Variants in RETREG1 observed in about 807,000 individuals in gnomAD.
RETREG1 encodes the protein family with sequence similarity 134 member B.
RETREG1 carries 44 observed loss-of-function variants against 54.8 expected under a neutral mutation model. The observed-to-expected ratio is 0.80, with a 90% CI of 0.63 to 1.03. The LOEUF (loss-of-function observed/expected upper bound fraction) is 1.03. RETREG1 is among the 50% of genes least tolerant of loss of function. The pLI, the probability that RETREG1 is intolerant of heterozygous loss-of-function variation, is 0.00. For missense variants in RETREG1, 554 were observed against 605.1 expected (o/e 0.92, Z 0.89); for synonymous variants, 217 against 238.5 (o/e 0.91, Z 0.83).
rs541097580 is a variant in RETREG1, at chr5:16,541,714, AAAGAGAAGAG to A, written c.458+24039_458+24048del. Among the ~76,000 whole-genome samples the A allele has an allele frequency of 2.7e-5, 4 of 148,542 alleles. No individual in the cohort carries two copies. The South Asian group carries it at 6.6e-4, about 24-fold the overall frequency. On this transcript the variant is annotated intron_variant, in intron 3 of 8. Coordinates refer to ENST00000306320, the MANE Select transcript of RETREG1 (RefSeq NM_001034850.3). ...AGTAAGAAGAAAAGAAAAGAGAAGAAAAGAGAAGAGAAGAGAGGGAGGGAGGGAAGGAAGG... is the reference window on the plus strand; with the variant it reads ...AGTAAGAAGAAAAGAAAAGAGAAGAAAAGAGAGGGAGGGAGGGAAGGAAGG...
chr5:16,601,746 A>C (rs553415979), intron 1 of RETREG1, among the ~76,000 whole-genome samples: 33 of 152,212 alleles, frequency 2.2e-4, no homozygotes, highest in African/African-American at 7.7e-4. Context: ...ACTGAAAGAC[A>C]TAAGTTTCCA....
At chr5:16,542,903 A>G (rs1741289474) in intron 3 of RETREG1, among the ~76,000 whole-genome samples, 2 of 152,230 alleles carry the variant, frequency 1.3e-5, no homozygotes, top group South Asian at 4.1e-4. Flanking sequence ...TGACAGAGCT[A>G]TACAGCCATG....
At chr5:16,518,442 T>C (rs191390510) in intron 3 of RETREG1, among the ~76,000 whole-genome samples, 2 of 151,986 alleles carry the variant, frequency 1.3e-5, no homozygotes, top group Admixed American at 1.3e-4. Flanking sequence ...ACCTACACTA[T>C]GGTTTTCTTC....
chr5:16,603,860 C>G (rs1049635778), intron 1 of RETREG1, among the ~76,000 whole-genome samples: 2 of 144,706 alleles, frequency 1.4e-5, no homozygotes, highest in South Asian at 2.3e-4. Flanking sequence ...ACCCACCCCC[C>G]ACCCGCCACC....
At chr5:16,506,463 C>CTTTTTGTT (rs1292292947) in intron 3 of RETREG1, among the ~76,000 whole-genome samples, 4 of 141,298 alleles carry the variant, frequency 2.8e-5, no homozygotes, top group Non-Finnish European at 4.6e-5. Context: ...CCATTGCAAT[C>CTTTTTGTT]TTTTTGTTTT....
intron 1 of RETREG1, among the ~76,000 whole-genome samples, chr5:16,595,954 G>C (rs1297876778): frequency 6.6e-6 from 1 of 152,150 alleles, no homozygotes; most frequent in South Asian, 2.1e-4. Context: ...TCTCACACTA[G>C]GGAACATTAT....
intron 3 of RETREG1, among the ~76,000 whole-genome samples, chr5:16,522,745 C>G (rs1470936054): frequency 6.6e-6 from 1 of 152,120 alleles, no homozygotes; most frequent in Non-Finnish European, 1.5e-5. Context: ...TGGCTCATGT[C>G]TGTAATCCCA....
chr5:16,509,124 A>G (rs1473345485), intron 3 of RETREG1: 14 of 633,580 alleles, frequency 2.2e-5, no homozygotes, highest in Non-Finnish European at 2.7e-5. Flanking sequence ...CTGGGCTATC[A>G]AATCTCCTCC....
intron 1 of RETREG1, among the ~76,000 whole-genome samples, chr5:16,592,737 G>A (rs542367910): frequency 6.5e-4 from 99 of 152,032 alleles, no homozygotes; most frequent in Non-Finnish European, 1.3e-3. Context: ...AATCATGTCC[G>A]GTATGGGAAC....
At chr5:16,508,568 T>A in intron 3 of RETREG1, 2 of 1,613,274 alleles carry the variant, frequency 1.2e-6, no homozygotes, top group African/African-American at 1.3e-5. Flanking sequence ...TACGTATATA[T>A]CACAATTACC....
intron 2 of RETREG1, among the ~76,000 whole-genome samples, chr5:16,569,524 C>T (rs373895551): frequency 4.1e-4 from 63 of 152,234 alleles, no homozygotes; most frequent in African/African-American, 1.5e-3. Flanking sequence ...CCCCATGTGG[C>T]CCTGATGACA....
At chr5:16,538,861 T>C (rs1741155862) in intron 3 of RETREG1, among the ~76,000 whole-genome samples, 1 of 152,130 alleles carries the variant, frequency 6.6e-6, no homozygotes, top group African/African-American at 2.4e-5. Flanking sequence ...CCTGCCACAA[T>C]GCCCGGCTAA....
chr5:16,616,904 G>C lies in RETREG1; in HGVS notation c.68C>G (p.Ala23Gly). ...GCPAPAAEEQ[A>G]PPSPPPPQAS... ...CTGGGGCGGTGGCGGCGACGGCGGC[G>C]CCTGCTCCTCGGCGGCAGGAGCCGG... is the stretch of plus-strand genomic sequence containing the variant. Residue 23 changes from alanine (A) to glycine (G), a missense_variant, in exon 1 of 9, where the codon GCG becomes GGG. Transcript: ENST00000306320. 2.0e-6 allele frequency: 3 copies of C among 1,479,922 alleles called. No individual in the cohort carries two copies. The highest frequency in any genetic ancestry group is 2.7e-6 in the Non-Finnish European group (3 of 1,122,648). 91.7% of individuals were successfully genotyped at this position (1,479,922 alleles called of 1,614,324 possible).
intron 2 of RETREG1, among the ~76,000 whole-genome samples, chr5:16,571,119 G>A (rs387273): frequency 0.36 from 54,361 of 152,008 alleles, 10,621 homozygotes; most frequent in Non-Finnish European, 0.44. Flanking sequence ...TAGTAAATCC[G>A]TACCAGCTGA....
At chr5:16,560,073 G>C (rs886873959) in intron 3 of RETREG1, among the ~76,000 whole-genome samples, 2 of 152,156 alleles carry the variant, frequency 1.3e-5, no homozygotes, top group Non-Finnish European at 2.9e-5. Flanking sequence ...ACATGTGAAT[G>C]GCATATGACT....
At chr5:16,557,972 G>GGAGT (rs1418676709) in intron 3 of RETREG1, among the ~76,000 whole-genome samples, 1 of 151,906 alleles carries the variant, frequency 6.6e-6, no homozygotes, top group Admixed American at 6.6e-5. Context: ...TTTTATAGCA[G>GGAGT]GAGTGGGTTA....
rs768068967 is a variant in RETREG1 at position 16,597,796 on chromosome 5, T to C, written c.320+18856A>G. ...CATCAGTGCCAGGGGTTGTTTGTAA[T>C]GGCCCGTCAGTTCTCCAGGCCTGAA... On this transcript the variant is annotated intron_variant, in intron 1 of 8. Transcript: ENST00000306320. The surrounding 1 kb of genome is among the most constrained non-coding windows in gnomAD (Gnocchi z 4.3). Among the ~76,000 whole-genome samples, 3 of 152,166 alleles carry C rather than the reference T, an allele frequency of 2.0e-5. No individual in the cohort carries two copies. Among genetic ancestry groups the C allele is most frequent in the African/African-American group, 2.4e-5 (1 of 41,442 alleles).
intron 3 of RETREG1, chr5:16,508,875 T>C (rs1740072920): frequency 1.5e-6 from 2 of 1,356,218 alleles, no homozygotes; most frequent in Non-Finnish European, 1.9e-6. Flanking sequence ...TAAAAATAAA[T>C]AGGTCACCTC....
chr5:16,603,277 C>A (rs1003530516), intron 1 of RETREG1, among the ~76,000 whole-genome samples: 1 of 152,068 alleles, frequency 6.6e-6, no homozygotes, highest in Admixed American at 6.5e-5. Context: ...TCATTTTTTT[C>A]TTTGACCCAA....
Sources: gnomAD v4.1 joint callset for allele counts (sites outside exome capture counted in the v4.1 genomes callset) on GRCh38, gnomAD v4.1.1 for gene constraint, Gnocchi (gnomAD v3.1) non-coding constraint, MANE v1.5 for transcripts, NCBI Gene and HGNC (gene_info 2026-07-23, HGNC 2026-07-21) for gene names.